Variants in TMCC1 observed in about 807,000 individuals in gnomAD.
TMCC1 encodes transmembrane and coiled-coil domain family 1, also known as transmembrane and coiled-coil domains protein 1.
TMCC1 carries 15 observed loss-of-function variants against 52.4 expected under a neutral mutation model. The ratio of observed to expected loss-of-function variants is 0.29; its 90% confidence interval spans 0.19 to 0.44. The LOEUF (loss-of-function observed/expected upper bound fraction) is 0.44. TMCC1 is among the 20% of genes least tolerant of loss of function. TMCC1 has a pLI of 1.00. For synonymous variants in TMCC1, 279 were observed against 301.9 expected, an observed-to-expected ratio of 0.92 and a Z score of 0.79; for missense variants, 503 against 806.0, an observed-to-expected ratio of 0.62 and a Z score of 4.55.
rs116362310 is a variant in TMCC1, at chr3:129,700,428, C to G, written c.577-29164G>C. On this transcript the variant is annotated intron_variant, in intron 4 of 6. Transcript: ENST00000393238. ...ATATTGGGAGATGCTGAAAATTTCA[C>G]AGGGAAATAGATTTTACCCTTCCAA... Among the ~76,000 whole-genome samples the G allele has an allele frequency of 7.0e-3, 1,069 of 152,216 alleles. 11 individuals carry two copies. Among genetic ancestry groups the G allele is most frequent in the African/African-American group, 0.025 (1,020 of 41,524 alleles).
rs997871088 is a variant in TMCC1 at position 129,795,117 on chromosome 3, T to A, written c.576+32686A>T. Among the ~76,000 whole-genome samples, 7 of 152,182 alleles carry A rather than the reference T, an allele frequency of 4.6e-5. 1 individual carries two copies. Among genetic ancestry groups the A allele is most frequent in the Middle Eastern group, 3.2e-3 (1 of 316 alleles). On this transcript the variant is annotated intron_variant, in intron 4 of 6. Transcript: ENST00000393238. ...CAGAGAGGCATACTCCGACGGTGAC[T>A]TCAACTTGTGCCAAAGTTAAACACA...
intron 4 of TMCC1, among the ~76,000 whole-genome samples, chr3:129,750,695 C>T (rs571937920): frequency 9.8e-4 from 147 of 150,538 alleles, no homozygotes; most frequent in African/African-American, 3.4e-3. Context: ...CTGCCTCAGC[C>T]TCCCGAGTAG....
intron 4 of TMCC1, among the ~76,000 whole-genome samples, chr3:129,766,754 G>A (rs1469439369): frequency 6.6e-6 from 1 of 151,830 alleles, no homozygotes; most frequent in Non-Finnish European, 1.5e-5. Context: ...TAGTAGCTGG[G>A]ACTACAGGCG....
chr3:129,763,547 A>AAT (rs1491007793), intron 4 of TMCC1, among the ~76,000 whole-genome samples: 36 of 131,660 alleles, frequency 2.7e-4, no homozygotes, highest in African/African-American at 7.8e-4. Context: ...TGTCTCAAAA[A>AAT]AAAAAAAAAA....
At chr3:129,688,578 T>A (rs6787757) in intron 4 of TMCC1, 1 of 985,396 alleles carries the variant, frequency 1.0e-6, no homozygotes, top group South Asian at 4.7e-5. Flanking sequence ...CCTCAGCCTA[T>A]GTATAGTTTC....
At chr3:129,874,396 G>A (rs1432167503) in intron 2 of TMCC1, among the ~76,000 whole-genome samples, 1 of 152,084 alleles carries the variant, frequency 6.6e-6, no homozygotes, top group African/African-American at 2.4e-5. Flanking sequence ...GCCACTTACG[G>A]CATCTAAGAA....
At chr3:129,718,952 C>A (rs1220630449) in intron 4 of TMCC1, among the ~76,000 whole-genome samples, 4 of 152,092 alleles carry the variant, frequency 2.6e-5, no homozygotes, top group African/African-American at 4.8e-5. Context: ...GGGTCCAGCA[C>A]CCCTAATCCC....
At chr3:129,723,310 T>C (rs1447830085) in intron 4 of TMCC1, among the ~76,000 whole-genome samples, 1 of 151,988 alleles carries the variant, frequency 6.6e-6, no homozygotes, top group African/African-American at 2.4e-5. Flanking sequence ...TTCCAAGTCC[T>C]TGGGAAAAAT....
In TMCC1 at chr3:129,649,422, A is replaced by AT. The variant is rs201303349; in HGVS notation, c.*2058dup. On this transcript the variant is annotated 3_prime_UTR_variant, in exon 7 of 7. Coordinates refer to ENST00000393238, the MANE Select transcript of TMCC1 (RefSeq NM_001017395.5). ...TTGGCATGAACATGAATTGGTTCTA[A>AT]TTTTTTTTTTTTTAAAGAAAAAAAG... is the stretch of plus-strand genomic sequence containing the variant. 0.012 allele frequency: 1,768 copies of AT among 147,440 alleles called. 19 individuals carry two copies. The highest frequency in any genetic ancestry group is 0.04 in the African/African-American group (1,613 of 40,434). The allele number at this position is 147,440 out of a possible 1,614,324, so 9.1% of individuals were successfully genotyped here.
intron 4 of TMCC1, among the ~76,000 whole-genome samples, chr3:129,756,801 T>C (rs1223645976): frequency 6.6e-6 from 1 of 152,154 alleles, no homozygotes; most frequent in Non-Finnish European, 1.5e-5. Context: ...GGCAAAACTA[T>C]AGTGATGGAA....
chr3:129,843,677 T>C (rs1470476668), intron 2 of TMCC1, among the ~76,000 whole-genome samples: 4 of 151,788 alleles, frequency 2.6e-5, no homozygotes, highest in African/African-American at 9.7e-5. Flanking sequence ...ACAAAAAATA[T>C]AGAAGGAAAA....
intron 4 of TMCC1, among the ~76,000 whole-genome samples, chr3:129,738,004 T>C (rs571141739): frequency 1.4e-4 from 21 of 151,920 alleles, no homozygotes; most frequent in African/African-American, 3.4e-4. Flanking sequence ...GGCGCAGTGT[T>C]TCACGCCTGT....
chr3:129,755,141 G>A (rs1337369487), intron 4 of TMCC1, among the ~76,000 whole-genome samples: 1 of 151,980 alleles, frequency 6.6e-6, no homozygotes, highest in Admixed American at 6.6e-5. Flanking sequence ...AAAAACATAT[G>A]ATAAAGAAAA....
chr3:129,761,277 G>C lies in TMCC1; in HGVS notation c.576+66526C>G, dbSNP rs1177657206. 2.1e-5 allele frequency among the ~76,000 whole-genome samples: 3 copies of C among 144,930 alleles called. No individual in the cohort carries two copies. The South Asian group carries it at 6.7e-4, about 32-fold the overall frequency. On this transcript the variant is annotated intron_variant, in intron 4 of 6. Coordinates refer to ENST00000393238, the MANE Select transcript of TMCC1 (RefSeq NM_001017395.5). The stretch of plus-strand genomic sequence containing the variant: ...TGGGAGGCGGAGCTTGCAGTGAGCC[G>C]AGATGGCGCCACTGCACTCCAGCCT...
At chr3:129,716,329 ATTTTT>A (rs71155569) in intron 4 of TMCC1, among the ~76,000 whole-genome samples, 1 of 73,646 alleles carries the variant, frequency 1.4e-5, no homozygotes, top group Non-Finnish European at 3.0e-5. Flanking sequence ...CACCTGGCAA[ATTTTT>A]TTTTTTTTTT....
chr3:129,834,257 T>C lies in TMCC1; in HGVS notation c.-183-1431A>G, dbSNP rs115923435. On this transcript the variant is annotated intron_variant, in intron 2 of 6. Coordinates refer to ENST00000393238, the MANE Select transcript of TMCC1 (RefSeq NM_001017395.5). ...GCAGTAATCACAGTATGTTTGGGCA[T>C]ACTGTAAAGAGGTCAGATGGACCAT... Among the ~76,000 whole-genome samples, 1,066 of 152,278 alleles carry C rather than the reference T, an allele frequency of 7.0e-3. 10 individuals carry two copies. Among genetic ancestry groups the C allele is most frequent in the African/African-American group, 0.024 (1,018 of 41,554 alleles).
intron 4 of TMCC1, among the ~76,000 whole-genome samples, chr3:129,681,905 CA>C (rs1332029665): frequency 0.021 from 1,505 of 70,368 alleles, 19 homozygotes; most frequent in African/African-American, 0.065. Context: ...GACTTCGTCT[CA>C]AAAAAAAAAA....
At chr3:129,701,983 T>G (rs2047871843) in intron 4 of TMCC1, among the ~76,000 whole-genome samples, 1 of 152,156 alleles carries the variant, frequency 6.6e-6, no homozygotes, top group Middle Eastern at 3.2e-3. Context: ...GAAAAAAATT[T>G]TTTAAAAATA....
intron 5 of TMCC1, among the ~76,000 whole-genome samples, chr3:129,659,885 A>T (rs1052526056): frequency 6.6e-6 from 1 of 152,204 alleles, no homozygotes; most frequent in Non-Finnish European, 1.5e-5. Flanking sequence ...TTCATCCTCT[A>T]TAAAGAGGAA....
Sources: allele counts gnomAD v4.1 joint callset (sites outside exome capture counted in the v4.1 genomes callset), GRCh38; gene constraint gnomAD v4.1.1; transcripts MANE v1.5; gene names NCBI Gene and HGNC (gene_info 2026-07-23, HGNC 2026-07-21).